Variants in NRG2 observed in about 807,000 individuals in gnomAD.
NRG2 encodes the protein pro-neuregulin-2, membrane-bound isoform.
In NRG2, 27 loss-of-function variants were observed where a neutral mutation model predicts 73.9. The observed-to-expected ratio is 0.37, with a 90% CI of 0.27 to 0.50. The LOEUF (loss-of-function observed/expected upper bound fraction) is 0.50. NRG2 is among the 20% of genes least tolerant of loss of function. NRG2 has a pLI of 0.96. For missense variants in NRG2, 1,126 were observed against 1,210.1 expected (o/e 0.93, Z 1.03); for synonymous variants, 532 against 541.0 (o/e 0.98, Z 0.23).
chr5:140,006,343 C>T (rs1478560807), intron 1 of NRG2, among the ~76,000 whole-genome samples: 1 of 152,242 alleles, frequency 6.6e-6, no homozygotes, highest in African/African-American at 2.4e-5. Context: ...CTCTCCTACA[C>T]TGCTGATGTC....
intron 3 of NRG2, among the ~76,000 whole-genome samples, chr5:139,875,744 T>C (rs1763135355): frequency 6.6e-6 from 1 of 152,156 alleles, no homozygotes; most frequent in Non-Finnish European, 1.5e-5. Context: ...CTGGGCAATG[T>C]AGCAAGACCC....
chr5:139,995,783 G>A (rs940322851), intron 1 of NRG2, among the ~76,000 whole-genome samples: 6 of 152,304 alleles, frequency 3.9e-5, no homozygotes, highest in Admixed American at 2.6e-4. Flanking sequence ...GGAGGCTGAG[G>A]AGGGAGGATC....
chr5:139,897,585 G>A (rs899214784), intron 1 of NRG2, among the ~76,000 whole-genome samples: 3 of 152,144 alleles, frequency 2.0e-5, no homozygotes. Context: ...GTGTTTCCTG[G>A]TGTCTGTCAC....
At chr5:139,866,217 C>T (rs1554100958) in intron 4 of NRG2, among the ~76,000 whole-genome samples, 1 of 152,110 alleles carries the variant, frequency 6.6e-6, no homozygotes, top group Non-Finnish European at 1.5e-5. Context: ...GTTCTGTGGC[C>T]AAATCAATGT....
At chr5:139,971,614 T>C (rs1156863201) in intron 1 of NRG2, among the ~76,000 whole-genome samples, 1 of 152,134 alleles carries the variant, frequency 6.6e-6, no homozygotes, top group Non-Finnish European at 1.5e-5. Flanking sequence ...AATCAAGCAT[T>C]CTCAAGTGCA....
At chr5:139,861,078 C>T (rs1561632025) in intron 5 of NRG2, among the ~76,000 whole-genome samples, 1 of 152,214 alleles carries the variant, frequency 6.6e-6, no homozygotes. Flanking sequence ...CCGTTTCATC[C>T]CTAATTCACT....
chr5:139,880,818 C>T, intron 3 of NRG2, 38 bp downstream of exon 3: 1 of 1,561,226 alleles, frequency 6.4e-7, no homozygotes, highest in South Asian at 1.1e-5. Context: ...CCCTGCCAAA[C>T]CCCTCTAGGA....
chr5:140,009,551 A>G (rs1051159915), intron 1 of NRG2, among the ~76,000 whole-genome samples: 38 of 152,216 alleles, frequency 2.5e-4, no homozygotes, highest in African/African-American at 9.2e-4. Flanking sequence ...CGGTAAGAGT[A>G]GTTTAATTTT....
At chr5:139,898,428 G>A (rs943780096) in intron 1 of NRG2, among the ~76,000 whole-genome samples, 1 of 152,202 alleles carries the variant, frequency 6.6e-6, no homozygotes, top group Non-Finnish European at 1.5e-5. Context: ...CCCTCTCTGG[G>A]CCTCAGTTTC....
intron 1 of NRG2, among the ~76,000 whole-genome samples, chr5:139,947,447 T>A (rs73271480): frequency 0.013 from 2,055 of 152,334 alleles, 71 homozygotes; most frequent in African/African-American, 0.048. Context: ...TATTCTATTG[T>A]GGATATACCA....
intron 1 of NRG2, among the ~76,000 whole-genome samples, chr5:139,968,601 A>T (rs1256678653): frequency 6.6e-6 from 1 of 152,228 alleles, no homozygotes; most frequent in Non-Finnish European, 1.5e-5. Flanking sequence ...GGAAGGGCAG[A>T]GGGGTAGCTC....
At position 139,954,065 on chromosome 5, in the gene NRG2, G is replaced by A. The variant is rs1208398724; in HGVS notation, c.701-66554C>T. Among the ~76,000 whole-genome samples, 1 of 152,076 alleles carries A rather than the reference G, an allele frequency of 6.6e-6. No homozygotes were observed. The highest frequency in any genetic ancestry group is 1.5e-5 in the Non-Finnish European group (1 of 68,016). On this transcript the variant is annotated intron_variant, in intron 1 of 9. Transcript: ENST00000361474. This position sits in a 1 kb window ranked among gnomAD's most constrained non-coding sequence, Gnocchi z 5.0. The stretch of plus-strand genomic sequence containing the variant: ...AGGCAAGGGGCAGGGTGTGGGGGTG[G>A]CTGGAAGCTGAAAAAAAGAGACCCA...
chr5:139,974,119 C>T (rs1756196350), intron 1 of NRG2, among the ~76,000 whole-genome samples: 1 of 152,242 alleles, frequency 6.6e-6, no homozygotes, highest in East Asian at 1.9e-4. Context: ...CCTCCCTGGC[C>T]CTTTTTGCTC....
intron 2 of NRG2, among the ~76,000 whole-genome samples, chr5:139,886,328 C>T (rs1238934795): frequency 6.6e-6 from 1 of 152,186 alleles, no homozygotes; most frequent in Non-Finnish European, 1.5e-5. Context: ...GGACATCCAG[C>T]CCCACATGGC....
intron 5 of NRG2, among the ~76,000 whole-genome samples, chr5:139,860,092 C>T (rs1438517581): frequency 6.6e-6 from 1 of 152,118 alleles, no homozygotes; most frequent in East Asian, 1.9e-4. Flanking sequence ...TGAGCTCCTT[C>T]CCTGACACCC....
intron 1 of NRG2, among the ~76,000 whole-genome samples, chr5:139,910,512 CA>C (rs1175324441): frequency 6.6e-6 from 1 of 152,138 alleles, no homozygotes; most frequent in Non-Finnish European, 1.5e-5. Flanking sequence ...CAAAAACAAA[CA>C]AACAAAAAAT....
intron 1 of NRG2, among the ~76,000 whole-genome samples, chr5:139,916,559 C>T (rs1205282462): frequency 1.3e-5 from 2 of 152,122 alleles, no homozygotes; most frequent in Non-Finnish European, 2.9e-5. Context: ...CCCCTGCCAT[C>T]CCCTTCATCC....
intron 1 of NRG2, among the ~76,000 whole-genome samples, chr5:139,908,051 G>A (rs900018492): frequency 4.6e-5 from 7 of 152,226 alleles, no homozygotes; most frequent in South Asian, 2.1e-4. Flanking sequence ...TAGGAGTAAC[G>A]AGTCTTCTCA....
At position 139,887,965 on chromosome 5, in the gene NRG2, G is replaced by C. The variant is rs1428677744; in HGVS notation, c.701-454C>G. 6.6e-6 allele frequency among the ~76,000 whole-genome samples: 1 copy of C among 152,144 alleles called. No homozygotes were observed. Among genetic ancestry groups the C allele is most frequent in the Non-Finnish European group, 1.5e-5 (1 of 68,014 alleles). On this transcript the variant is annotated intron_variant, in intron 1 of 9. Transcript: ENST00000361474. This position sits in a 1 kb window ranked among gnomAD's most constrained non-coding sequence, Gnocchi z 4.5. The stretch of plus-strand genomic sequence containing the variant: ...ACAAGCCATGGGGCTGTACTGGTGG[G>C]CTCAGGCCCAATCACGGATGCAAAG...
Sources: gnomAD v4.1 joint callset for allele counts (sites outside exome capture counted in the v4.1 genomes callset) on GRCh38, gnomAD v4.1.1 for gene constraint, Gnocchi (gnomAD v3.1) non-coding constraint, MANE v1.5 for transcripts, NCBI Gene and HGNC (gene_info 2026-07-23, HGNC 2026-07-21) for gene names.